The following EP400 variants were observed in gnomAD, a reference collection of about 807,000 sequenced individuals.
EP400 encodes the protein E1A binding protein p400.
Under a neutral mutation model 354.1 loss-of-function variants are expected in EP400, and 105 were observed. The ratio of observed to expected loss-of-function variants is 0.30; its 90% CI spans 0.25 to 0.35. The LOEUF is 0.35. Among genes scored for constraint, EP400 ranks in the 10% least tolerant of loss-of-function variants. The pLI is 1.00. For missense variants in EP400, 3,280 were observed against 4,121.0 expected, an observed-to-expected ratio of 0.80 and a Z score of 5.59; for synonymous variants, 1,646 against 1,716.9, an observed-to-expected ratio of 0.96 and a Z score of 1.02.
intron 16 of EP400, among the ~76,000 whole-genome samples, chr12:132,012,704 G>A (rs1893805590): frequency 6.6e-6 from 1 of 152,154 alleles, no homozygotes; most frequent in Non-Finnish European, 1.5e-5. Context: ...TTAGATACTA[G>A]AAGAGCTCGC....
At chr12:132,076,488 A>G (rs1896243805) in intron 51 of EP400, 28 bp from the exon 52 acceptor site, 1 of 1,612,016 alleles carries the variant, frequency 6.2e-7, no homozygotes, top group African/African-American at 1.3e-5. Context: ...TTTGAATTGT[A>G]TGTTTGGCTT....
chr12:132,044,707 G>T lies in EP400; in HGVS notation c.6622G>T (p.Val2208Phe). The T allele has an allele frequency of 6.2e-7, 1 of 1,614,228 alleles. No individual in the cohort carries two copies. The highest frequency in any genetic ancestry group is 8.5e-7 in the Non-Finnish European group (1 of 1,180,050). ...CGAAGATGTCGATGGGCAGACAGAA[G>T]TCATGCCGGTGAGTGCTGCCCTCTC... ...VYEDVDGQTE[V>F]MPLWTPPTPP... Residue 2208 changes from valine to phenylalanine, a missense_variant, in exon 36 of 53, where the codon GTC becomes TTC. Val to Phe is a conservative substitution (Grantham distance 50). Transcript: ENST00000389561.
chr12:132,026,955 C>T (rs975287013), intron 25 of EP400, among the ~76,000 whole-genome samples: 2 of 152,296 alleles, frequency 1.3e-5, no homozygotes, highest in East Asian at 1.9e-4. Flanking sequence ...CTCCAGGGAA[C>T]GGATATGAAA....
intron 2 of EP400, among the ~76,000 whole-genome samples, chr12:131,968,869 A>G (rs556085733): frequency 5.9e-5 from 9 of 152,310 alleles, no homozygotes; most frequent in African/African-American, 2.2e-4. Flanking sequence ...TTGTAAGTAT[A>G]TAGGTATACA....
chr12:132,012,936 A>G, intron 16 of EP400, 73 bp from the exon 17 acceptor site: 1 of 1,451,256 alleles, frequency 6.9e-7, no homozygotes, highest in Non-Finnish European at 9.2e-7. Flanking sequence ...AGCTTTGGGA[A>G]GTGTGTGTCC....
At chr12:131,981,393 C>A in intron 3 of EP400, 96 bp from the exon 4 acceptor site, 1 of 956,586 alleles carries the variant, frequency 1.0e-6, no homozygotes, top group South Asian at 1.6e-5. Context: ...GAAAGGCCTC[C>A]CTTTTCCAAG....
At chr12:132,006,599 T>G (rs1169555274) in intron 14 of EP400, 101 bp from the exon 15 acceptor site, 6 of 1,223,004 alleles carry the variant, frequency 4.9e-6, no homozygotes, top group Non-Finnish European at 6.8e-6. Flanking sequence ...TTTTGTGGCT[T>G]TCTAATTGGT....
Position 132,062,175 on chromosome 12 carries a change from C to T in EP400, c.7950C>T (p.Ser2650=), listed in dbSNP as rs781476223. ...AGCCCCCGCCACGGGCAGTCGGCTCCCCAGCCACGGCGACCCCTGACCTGG... is the reference window on the plus strand; with the variant it reads ...AGCCCCCGCCACGGGCAGTCGGCTCTCCAGCCACGGCGACCCCTGACCTGG... The part of the protein sequence containing the change: ...HTQPPPRAVG[S]PATATPDLVS... Residue 2650 remains serine (S), a synonymous_variant, in exon 46 of 53, where the codon TCC becomes TCT. Transcript: ENST00000389561. 2 of 1,614,056 alleles carry T rather than the reference C, an allele frequency of 1.2e-6. No homozygotes were observed. Among genetic ancestry groups the T allele is most frequent in the South Asian group, 2.2e-5 (2 of 91,078 alleles).
At chr12:131,950,540 G>C (rs184174694) in intron 1 of EP400, among the ~76,000 whole-genome samples, 49 of 152,252 alleles carry the variant, frequency 3.2e-4, no homozygotes, top group African/African-American at 1.1e-3. Flanking sequence ...TAAGGACCCC[G>C]CGTCCCGGGC....
chr12:131,972,336 G>C (rs1020958797), intron 2 of EP400, among the ~76,000 whole-genome samples: 2 of 151,886 alleles, frequency 1.3e-5, no homozygotes, highest in Non-Finnish European at 2.9e-5. Context: ...GTTATTTTTA[G>C]TAGAGACGGG....
At position 132,070,275 on chromosome 12, in the gene EP400, G is replaced by T. The variant is rs1459009653; in HGVS notation, c.9021+634G>T. On this transcript the variant is annotated intron_variant, in intron 51 of 52. Transcript: ENST00000389561. This position sits in a 1 kb window ranked among gnomAD's most constrained non-coding sequence, Gnocchi z 4.1. Reference sequence around the variant, plus strand: ...TCTCAGCTAGTCTTACATCCTCTGGGAATTGGTTTTTGGGTCTGAGATAGA... The same window carrying T: ...TCTCAGCTAGTCTTACATCCTCTGGTAATTGGTTTTTGGGTCTGAGATAGA... Among the ~76,000 whole-genome samples, 1 of 152,204 alleles carries T rather than the reference G, an allele frequency of 6.6e-6. No individual in the cohort carries two copies. Among genetic ancestry groups the T allele is most frequent in the Non-Finnish European group, 1.5e-5 (1 of 68,042 alleles).
intron 39 of EP400, among the ~76,000 whole-genome samples, chr12:132,046,161 G>A (rs576119732): frequency 3.3e-5 from 5 of 152,322 alleles, no homozygotes; most frequent in South Asian, 4.1e-4. Flanking sequence ...AGCAGGCCTC[G>A]TACCTGATGT....
intron 47 of EP400, among the ~76,000 whole-genome samples, chr12:132,063,775 C>G (rs902966487): frequency 6.6e-6 from 1 of 152,136 alleles, no homozygotes; most frequent in East Asian, 1.9e-4. Flanking sequence ...TTATCCTGTT[C>G]CTGTCACACC....
At chr12:131,980,849 A>G (rs1339878140) in intron 3 of EP400, among the ~76,000 whole-genome samples, 1 of 152,134 alleles carries the variant, frequency 6.6e-6, no homozygotes, top group Non-Finnish European at 1.5e-5. Context: ...ACCGCGCCCA[A>G]CTGTCTGTCA....
chr12:131,960,732 C>T lies in EP400; in HGVS notation c.113C>T (p.Pro38Leu), dbSNP rs922530230. ...QPAHPNPPPS[P>L]AAPFAPSASP... is the part of the protein sequence containing the mutation. ...GCCCACCCCAACCCACCCCCGTCCC[C>T]CGCAGCTCCCTTCGCTCCCTCAGCA... is the stretch of plus-strand genomic sequence containing the variant. Residue 38 changes from proline to leucine, a missense_variant, in exon 2 of 53, where the codon CCC becomes CTC. Coordinates refer to ENST00000389561, the MANE Select transcript of EP400 (RefSeq NM_015409.5). The T allele has an allele frequency of 6.2e-7, 1 of 1,610,000 alleles. No individual in the cohort carries two copies. The highest frequency in any genetic ancestry group is 8.5e-7 in the Non-Finnish European group (1 of 1,179,412).
At chr12:131,995,250 T>C (rs908977542) in intron 12 of EP400, among the ~76,000 whole-genome samples, 3 of 152,158 alleles carry the variant, frequency 2.0e-5, no homozygotes, top group African/African-American at 7.2e-5. Flanking sequence ...CCACCACAGC[T>C]TGACTGAATG....
In EP400 at chr12:131,961,573, G is replaced by T; in HGVS notation, c.954G>T (p.Pro318=). 1.3e-6 allele frequency: 2 copies of T among 1,542,052 alleles called. No homozygotes were observed. The highest frequency in any genetic ancestry group is 2.3e-5 in the South Asian group (2 of 85,254). ...AAGFGMTSPP[P]PTSPSRTAVP... ...GGTTTGGGATGACGTCCCCACCCCC[G>T]CCCACCAGCCCTTCCAGGACTGCCG... The change falls in exon 2 of 53, where the codon CCG becomes CCT. Residue 318 remains proline, a synonymous_variant. Transcript: ENST00000389561.
At chr12:132,019,477 C>T (rs544688654) in intron 21 of EP400, among the ~76,000 whole-genome samples, 2 of 151,986 alleles carry the variant, frequency 1.3e-5, no homozygotes, top group Admixed American at 6.5e-5. Context: ...GCCAAGCTGG[C>T]GGGATTGCTT....
rs1412771505 is a variant in EP400, at chr12:131,990,855, CTT to C, written c.2629+143_2629+144del. 1.5e-6 allele frequency: 1 copy of C among 655,004 alleles called. No individual in the cohort carries two copies. The allele number at this position is 655,004 out of a possible 1,614,324, so 40.6% of individuals were successfully genotyped here. A position where few individuals can be genotyped will look rare whatever the true frequency, so the allele number is the denominator to read the frequency against. ...CCAGCTGCCTGATTGTTACATTTCT[CTT>C]TGTGTGGCCATCCTAGTTTTATGCT... On this transcript the variant is annotated intron_variant, in intron 9 of 52. Transcript: ENST00000389561. The surrounding 1 kb of genome is among the most constrained non-coding windows in gnomAD (Gnocchi z 4.2).
Sources: allele counts gnomAD v4.1 joint callset (sites outside exome capture counted in the v4.1 genomes callset), GRCh38; gene constraint gnomAD v4.1.1; non-coding constraint Gnocchi (gnomAD v3.1); transcripts MANE v1.5; gene names NCBI Gene and HGNC (gene_info 2026-07-23, HGNC 2026-07-21).